The following CREBRF variants were observed in gnomAD, a reference collection of about 807,000 sequenced individuals.
The protein encoded by CREBRF is CREB3 regulatory factor.
CREBRF carries 5 observed loss-of-function variants against 66.1 expected under a neutral mutation model. That is an observed-to-expected ratio of 0.08 (90% CI 0.04 to 0.16). CREBRF has a LOEUF of 0.16. Ranked by LOEUF, CREBRF falls within the 10% of genes least tolerant of loss-of-function variation. The pLI is 1.00. For synonymous variants in CREBRF, 229 were observed against 264.4 expected (o/e 0.87, Z 1.30); for missense variants, 531 against 744.9 (o/e 0.71, Z 3.34).
chr5:173,074,437 A>C (rs1243691470), intron 1 of CREBRF, among the ~76,000 whole-genome samples: 1 of 152,104 alleles, frequency 6.6e-6, no homozygotes, highest in Non-Finnish European at 1.5e-5. Context: ...ATTGTAACTG[A>C]GAGTTCTTCT....
At chr5:173,096,428 T>C in intron 4 of CREBRF, among the ~76,000 whole-genome samples, 1 of 107,846 alleles carries the variant, frequency 9.3e-6, no homozygotes, top group African/African-American at 3.2e-5. Context: ...TTCCCTTCCC[T>C]TCCCTTCCCT....
At chr5:173,064,316 A>T (rs944088304) in intron 1 of CREBRF, among the ~76,000 whole-genome samples, 3 of 152,170 alleles carry the variant, frequency 2.0e-5, no homozygotes, top group Non-Finnish European at 4.4e-5. Flanking sequence ...GATTCATTGT[A>T]GAATTCCTTA....
At chr5:173,126,564 C>A (rs1257435095) in intron 8 of CREBRF, among the ~76,000 whole-genome samples, 1 of 152,210 alleles carries the variant, frequency 6.6e-6, no homozygotes, top group Non-Finnish European at 1.5e-5. Flanking sequence ...CTTGTACTCA[C>A]CTTGTATTCA....
intron 1 of CREBRF, among the ~76,000 whole-genome samples, chr5:173,075,086 G>A (rs1289975597): frequency 6.6e-6 from 1 of 152,122 alleles, no homozygotes; most frequent in African/African-American, 2.4e-5. Context: ...CCCAATCTGA[G>A]GGAAAAGATA....
At chr5:173,064,683 G>A (rs1442556645) in intron 1 of CREBRF, among the ~76,000 whole-genome samples, 3 of 150,944 alleles carry the variant, frequency 2.0e-5, no homozygotes, top group African/African-American at 7.3e-5. Flanking sequence ...TCCTGCCTCA[G>A]CCTTCCAAGT....
rs1758732790 is a variant in CREBRF, at chr5:173,105,725, A to G, written c.1223-2899A>G. ...GTGATCTACCCACCTCAGCCTCCCA[A>G]AGTGCTGGGATTACAGGCATGAGCC... On this transcript the variant is annotated intron_variant, in intron 4 of 8. Transcript: ENST00000296953. 3.3e-5 allele frequency among the ~76,000 whole-genome samples: 5 copies of G among 151,954 alleles called. No homozygotes were observed. The South Asian group carries it at 1.0e-3, about 32-fold the overall frequency.
intron 1 of CREBRF, among the ~76,000 whole-genome samples, chr5:173,079,210 G>C (rs377554800): frequency 6.6e-5 from 10 of 152,298 alleles, no homozygotes; most frequent in African/African-American, 2.4e-4. Flanking sequence ...GGTTAGACCA[G>C]TGAGCTGGGA....
intron 7 of CREBRF, 54 bp downstream of exon 7, chr5:173,112,433 T>G: frequency 8.2e-7 from 1 of 1,212,460 alleles, no homozygotes; most frequent in South Asian, 1.4e-5. Flanking sequence ...TGCTGACCAC[T>G]CTCTCTTTTC....
At chr5:173,086,673 A>G in intron 3 of CREBRF, 47 bp downstream of exon 3, 7 of 1,531,776 alleles carry the variant, frequency 4.6e-6, no homozygotes, top group Non-Finnish European at 5.3e-6. Context: ...TTGGGGTAAA[A>G]GTTTGTGGGA....
intron 1 of CREBRF, among the ~76,000 whole-genome samples, chr5:173,063,022 C>T (rs1441542461): frequency 1.3e-5 from 2 of 152,254 alleles, no homozygotes; most frequent in African/African-American, 2.4e-5. Context: ...GCTGGGATTA[C>T]AGGTGTGAGC....
At chr5:173,077,161 T>C (rs1757791187) in intron 1 of CREBRF, among the ~76,000 whole-genome samples, 1 of 152,082 alleles carries the variant, frequency 6.6e-6, no homozygotes, top group African/African-American at 2.4e-5. Flanking sequence ...GCCAGGCTAG[T>C]CTCGAACTCC....
At chr5:173,103,810 A>T (rs563971949) in intron 4 of CREBRF, among the ~76,000 whole-genome samples, 2 of 152,326 alleles carry the variant, frequency 1.3e-5, no homozygotes, top group South Asian at 4.1e-4. Flanking sequence ...AAACATCTTC[A>T]CAGTTGACTT....
chr5:173,086,441 G>A, intron 2 of CREBRF, 60 bp from the exon 3 acceptor site: 5 of 1,525,456 alleles, frequency 3.3e-6, no homozygotes, highest in Non-Finnish European at 4.5e-6. Context: ...GGGCTCATAT[G>A]TGATAAATTG....
chr5:173,128,867 G>A (rs1358906895), intron 8 of CREBRF, among the ~76,000 whole-genome samples: 2 of 144,626 alleles, frequency 1.4e-5, no homozygotes, highest in Admixed American at 7.0e-5. Flanking sequence ...CTTATGCTCC[G>A]CCTCCCGGGC....
Position 173,090,743 on chromosome 5 carries a change from T to C in CREBRF, c.564T>C (p.Ser188=). 1 of 1,614,200 alleles carries C rather than the reference T, an allele frequency of 6.2e-7. No individual in the cohort carries two copies. Among genetic ancestry groups the C allele is most frequent in the Non-Finnish European group, 8.5e-7 (1 of 1,180,028 alleles). ...GAGCAGCTGCTCCTGTGTGTTCTTC[T>C]AAGACTCTGCAGGCTGAGGTCCCTT... is the stretch of plus-strand genomic sequence containing the variant. ...TSRAAAPVCS[S]KTLQAEVPLS... Residue 188 remains serine (S), a synonymous_variant, in exon 4 of 9, where the codon TCT becomes TCC. Transcript: ENST00000296953. This position sits in a 1 kb window ranked among gnomAD's most constrained non-coding sequence, Gnocchi z 4.5.
At chr5:173,112,466 C>T (rs72816134) in intron 7 of CREBRF, 87 bp downstream of exon 7, 34,760 of 934,576 alleles carry the variant, frequency 0.037, 857 homozygotes, top group South Asian at 0.081. Context: ...TTTGCTTTCG[C>T]TGTATTCTGC....
At chr5:173,063,591 ACTC>A (rs1349013075) in intron 1 of CREBRF, among the ~76,000 whole-genome samples, 1 of 150,136 alleles carries the variant, frequency 6.7e-6, no homozygotes, top group Non-Finnish European at 1.5e-5. Flanking sequence ...CTGGTCTTGA[ACTC>A]CTGACCTCAG....
chr5:173,099,204 G>A (rs1030921465), intron 4 of CREBRF, among the ~76,000 whole-genome samples: 1 of 152,100 alleles, frequency 6.6e-6, no homozygotes, highest in African/African-American at 2.4e-5. Context: ...TGCCCAGGCT[G>A]GAGTGCAGTG....
intron 4 of CREBRF, among the ~76,000 whole-genome samples, chr5:173,102,194 T>C (rs1758645203): frequency 6.6e-6 from 1 of 152,242 alleles, no homozygotes; most frequent in African/African-American, 2.4e-5. Context: ...TTGAATTCTT[T>C]GTTAGGAAGT....
Sources: gnomAD v4.1 joint callset for allele counts (sites outside exome capture counted in the v4.1 genomes callset) on GRCh38, gnomAD v4.1.1 for gene constraint, Gnocchi (gnomAD v3.1) non-coding constraint, MANE v1.5 for transcripts, NCBI Gene and HGNC (gene_info 2026-07-23, HGNC 2026-07-21) for gene names.